NRXN3: variants seen among roughly 807,000 people sequenced by gnomAD.
The protein encoded by NRXN3 is neurexin III.
NRXN3 carries 32 observed loss-of-function variants against 137.6 expected under a neutral mutation model. The observed-to-expected ratio is 0.23, with a 90% CI of 0.18 to 0.31. NRXN3 has a LOEUF of 0.31. Ranked by LOEUF, NRXN3 falls within the 10% of genes least tolerant of loss-of-function variation. The pLI, the probability that NRXN3 is intolerant of heterozygous loss-of-function variation, is 1.00. For synonymous variants in NRXN3, 798 were observed against 784.5 expected, an observed-to-expected ratio of 1.02 and a Z score of -0.29; for missense variants, 1,574 against 2,062.5, an observed-to-expected ratio of 0.76 and a Z score of 4.59.
At chr14:79,393,034 G>T (rs1414389931) in intron 15 of NRXN3, among the ~76,000 whole-genome samples, 1 of 150,252 alleles carries the variant, frequency 6.7e-6, no homozygotes, top group Non-Finnish European at 1.5e-5. Flanking sequence ...GGAGAAATAG[G>T]AACGCTTTTA....
intron 10 of NRXN3, among the ~76,000 whole-genome samples, chr14:78,916,614 A>C (rs561626789): frequency 2.0e-5 from 3 of 152,172 alleles, no homozygotes; most frequent in African/African-American, 7.2e-5. Context: ...TCCGAGACAT[A>C]AGGAGAGGCT....
chr14:78,579,701 A>G, intron 4 of NRXN3, among the ~76,000 whole-genome samples: 1 of 152,160 alleles, frequency 6.6e-6, no homozygotes, highest in East Asian at 1.9e-4. Context: ...TCAACTGGCT[A>G]GAAGAGAGTG....
At chr14:78,182,197 C>T (rs948526838) in intron 1 of NRXN3, among the ~76,000 whole-genome samples, 1 of 152,122 alleles carries the variant, frequency 6.6e-6, no homozygotes, top group African/African-American at 2.4e-5. Flanking sequence ...AGTATCACCT[C>T]ATTTAATTTT....
At chr14:78,850,190 G>C (rs940982018) in intron 10 of NRXN3, among the ~76,000 whole-genome samples, 2 of 152,004 alleles carry the variant, frequency 1.3e-5, no homozygotes, top group African/African-American at 4.8e-5. Flanking sequence ...AAGAGAAAGA[G>C]AGAGGCTCCT....
At chr14:79,357,687 C>A (rs2093474739) in intron 15 of NRXN3, among the ~76,000 whole-genome samples, 2 of 152,098 alleles carry the variant, frequency 1.3e-5, no homozygotes, top group Admixed American at 6.5e-5. Flanking sequence ...TCCTTTATTT[C>A]CAGGATTTAA....
intron 4 of NRXN3, among the ~76,000 whole-genome samples, chr14:78,582,098 G>C (rs2097004747): frequency 6.6e-6 from 1 of 152,220 alleles, no homozygotes; most frequent in Non-Finnish European, 1.5e-5. Context: ...ATATCAGTGA[G>C]AGACAGTTCA....
At chr14:78,983,821 C>T (rs2099495668) in intron 14 of NRXN3, among the ~76,000 whole-genome samples, 1 of 145,212 alleles carries the variant, frequency 6.9e-6, no homozygotes, top group South Asian at 2.2e-4. Context: ...CATGCCACTG[C>T]ACTCCAGCCT....
intron 18 of NRXN3, among the ~76,000 whole-genome samples, chr14:79,694,355 G>A (rs1323545519): frequency 6.6e-6 from 1 of 151,948 alleles, no homozygotes; most frequent in South Asian, 2.1e-4. Flanking sequence ...AGCAGTATGT[G>A]AACTTGATGT....
chr14:79,857,572 T>C (rs558805444), intron 20 of NRXN3, among the ~76,000 whole-genome samples: 1 of 134,078 alleles, frequency 7.5e-6, no homozygotes, highest in South Asian at 2.8e-4. Context: ...ATACATCACT[T>C]TCTCCTCTCA....
At chr14:78,965,907 C>A (rs1272636236) in intron 11 of NRXN3, 118 bp from the exon 12 acceptor site, 2 of 1,181,528 alleles carry the variant, frequency 1.7e-6, no homozygotes, top group Non-Finnish European at 2.4e-6. Flanking sequence ...TTCTTGAACT[C>A]ACCCAAGAAA....
chr14:78,661,694 A>G (rs1160670697), intron 6 of NRXN3, among the ~76,000 whole-genome samples: 1 of 152,210 alleles, frequency 6.6e-6, no homozygotes, highest in African/African-American at 2.4e-5. Flanking sequence ...CTGGAGTTAG[A>G]GTTTCTGGCT....
At chr14:79,772,137 A>G (rs2099080652) in intron 19 of NRXN3, among the ~76,000 whole-genome samples, 1 of 151,834 alleles carries the variant, frequency 6.6e-6, no homozygotes. Flanking sequence ...GGATACAAAC[A>G]AATGGAAGAA....
chr14:79,585,250 TA>T lies in NRXN3; in HGVS notation c.3445-78526del, dbSNP rs2097755804. Among the ~76,000 whole-genome samples, 3 of 152,192 alleles carry T rather than the reference TA, an allele frequency of 2.0e-5. No homozygotes were observed. In the South Asian group the frequency reaches 6.2e-4, roughly 32 times the overall value. On this transcript the variant is annotated intron_variant, in intron 16 of 20. Coordinates refer to ENST00000335750, the MANE Select transcript of NRXN3 (RefSeq NM_001330195.2). ...AAAGGAAAGAAGTTTAGTAGACTCA[TA>T]ACCAGAAAGATCTTTGTCTTCACCT... is the stretch of plus-strand genomic sequence containing the variant.
chr14:78,695,867 G>T (rs1293620414), intron 6 of NRXN3: 14 of 152,064 alleles, frequency 9.2e-5, no homozygotes. Context: ...CCCATGCAAG[G>T]TTAGAGCAGG....
At chr14:78,345,935 T>G (rs1428140936) in intron 4 of NRXN3, among the ~76,000 whole-genome samples, 1 of 152,172 alleles carries the variant, frequency 6.6e-6, no homozygotes, top group Non-Finnish European at 1.5e-5. Context: ...ACTCTAGCTC[T>G]GAAGGGCCTG....
intron 15 of NRXN3, among the ~76,000 whole-genome samples, chr14:79,270,532 C>T (rs1343190273): frequency 6.6e-6 from 1 of 152,150 alleles, no homozygotes; most frequent in African/African-American, 2.4e-5. Flanking sequence ...CTCTCTGGCC[C>T]TGGAATTTAA....
At chr14:78,836,714 A>G (rs545937893) in intron 10 of NRXN3, among the ~76,000 whole-genome samples, 2 of 152,268 alleles carry the variant, frequency 1.3e-5, no homozygotes, top group Non-Finnish European at 2.9e-5. Context: ...TGTAATTGTT[A>G]TTTTCATTTA....
At chr14:79,487,168 G>A (rs1253383394) in intron 16 of NRXN3, among the ~76,000 whole-genome samples, 1 of 152,150 alleles carries the variant, frequency 6.6e-6, no homozygotes, top group Non-Finnish European at 1.5e-5. Flanking sequence ...CATAGGGGTT[G>A]ATGTGAGCAT....
intron 4 of NRXN3, among the ~76,000 whole-genome samples, chr14:78,383,587 C>T (rs966961491): frequency 2.0e-5 from 3 of 152,140 alleles, no homozygotes; most frequent in Non-Finnish European, 2.9e-5. Flanking sequence ...TTACAATAGG[C>T]ATATCATCTA....
Sources: gnomAD v4.1 joint callset for allele counts (sites outside exome capture counted in the v4.1 genomes callset) on GRCh38, gnomAD v4.1.1 for gene constraint, MANE v1.5 for transcripts, NCBI Gene and HGNC (gene_info 2026-07-23, HGNC 2026-07-21) for gene names.